Variants in CFAP97D2 observed in about 807,000 individuals in gnomAD.
CFAP97D2 encodes the protein uncharacterized protein CFAP97D2.
At chr13:114,190,136 C>T (rs544199993) in intron 1 of CFAP97D2, among the ~76,000 whole-genome samples, 46 of 149,726 alleles carry the variant, frequency 3.1e-4, no homozygotes, top group Middle Eastern at 7.0e-3. Context: ...AGGGAGGCCC[C>T]GTCTTAAAAA....
At chr13:114,182,653 G>A (rs933812198) in intron 1 of CFAP97D2, among the ~76,000 whole-genome samples, 1 of 152,212 alleles carries the variant, frequency 6.6e-6, no homozygotes, top group Non-Finnish European at 1.5e-5. Context: ...ACTAGAGGAT[G>A]GCGATGACTT....
At chr13:114,214,841 G>A (rs1331154989) in intron 4 of CFAP97D2, among the ~76,000 whole-genome samples, 1 of 152,138 alleles carries the variant, frequency 6.6e-6, no homozygotes, top group Non-Finnish European at 1.5e-5. Flanking sequence ...CATACAAATA[G>A]TTTCATTCCA....
chr13:114,213,944 A>C (rs2080982454), intron 4 of CFAP97D2, among the ~76,000 whole-genome samples: 3 of 119,328 alleles, frequency 2.5e-5, no homozygotes, highest in Admixed American at 1.7e-4. Flanking sequence ...ACAGACCCCC[A>C]CCCCTATGGA....
chr13:114,208,861 C>A (rs1454256516), intron 3 of CFAP97D2, among the ~76,000 whole-genome samples: 3 of 152,130 alleles, frequency 2.0e-5, no homozygotes, highest in Admixed American at 6.5e-5. Flanking sequence ...GGACAAGAAC[C>A]CCTTCCTTTG....
chr13:114,221,054 C>T (rs968789476), intron 4 of CFAP97D2, among the ~76,000 whole-genome samples: 2 of 152,240 alleles, frequency 1.3e-5, no homozygotes, highest in Non-Finnish European at 2.9e-5. Context: ...CGAGACCATC[C>T]TGGCCAACAT....
intron 1 of CFAP97D2, among the ~76,000 whole-genome samples, chr13:114,180,533 C>G (rs1304958745): frequency 6.6e-6 from 1 of 152,190 alleles, no homozygotes; most frequent in African/African-American, 2.4e-5. Context: ...CTGCCGCTCT[C>G]TGGTTCCTGG....
In CFAP97D2 at chr13:114,196,076, C is replaced by CA. The variant is rs57315285; in HGVS notation, c.91-300dup. Reference sequence around the variant, plus strand: ...CCAGCCTGGGCAACAGAGCGAGACTCAAAAAAAAAAAAAAAAAAAAGCCTC... The same window carrying CA: ...CCAGCCTGGGCAACAGAGCGAGACTCAAAAAAAAAAAAAAAAAAAAAGCCTC... On this transcript the variant is annotated intron_variant, in intron 1 of 4. Coordinates refer to ENST00000646158, the Ensembl canonical transcript of CFAP97D2. Among the ~76,000 whole-genome samples, 931 of 100,762 alleles carry CA rather than the reference C, an allele frequency of 9.2e-3. 10 individuals carry two copies. The highest frequency in any genetic ancestry group is 0.014 in the Non-Finnish European group (676 of 48,198). The allele number at this position is 100,762 out of a possible 152,430, so 66.1% of individuals were successfully genotyped here. A position where few individuals can be genotyped will look rare whatever the true frequency, so the allele number is the denominator to read the frequency against.
chr13:114,201,297 G>A (rs896659892), intron 3 of CFAP97D2, among the ~76,000 whole-genome samples: 2 of 152,170 alleles, frequency 1.3e-5, no homozygotes, highest in South Asian at 2.1e-4. Flanking sequence ...TTTTTGTTCC[G>A]GAAGTGCTTG....
chr13:114,218,496 T>C (rs935545598), intron 4 of CFAP97D2, among the ~76,000 whole-genome samples: 1 of 152,142 alleles, frequency 6.6e-6, no homozygotes, highest in Non-Finnish European at 1.5e-5. Flanking sequence ...AAGCTACCAA[T>C]GACTTTCTTC....
At chr13:114,208,263 C>T (rs1172111291) in intron 3 of CFAP97D2, among the ~76,000 whole-genome samples, 3 of 152,206 alleles carry the variant, frequency 2.0e-5, no homozygotes, top group Non-Finnish European at 2.9e-5. Flanking sequence ...CAGCCAATAT[C>T]GTTGTTGCTA....
intron 1 of CFAP97D2, among the ~76,000 whole-genome samples, chr13:114,182,347 A>G (rs943593109): frequency 8.5e-5 from 13 of 152,108 alleles, no homozygotes; most frequent in Non-Finnish European, 8.8e-5. Context: ...TTTTTCTCCT[A>G]TCTCAGAATT....
intron 1 of CFAP97D2, among the ~76,000 whole-genome samples, chr13:114,181,388 G>A (rs1240524958): frequency 6.6e-6 from 1 of 152,152 alleles, no homozygotes; most frequent in Non-Finnish European, 1.5e-5. Flanking sequence ...CATGAAACCT[G>A]GCAAAGGAGG....
At position 114,203,331 on chromosome 13, in the gene CFAP97D2, G is replaced by C. The variant is rs1443812076; in HGVS notation, c.290+2888G>C. The stretch of plus-strand genomic sequence containing the variant: ...AATTCCATACTCAAAAGTATCAAAA[G>C]AATAGGTACTTAGGAATAAACAAAG... On this transcript the variant is annotated intron_variant, in intron 3 of 4. Transcript: ENST00000646158. This position sits in a 1 kb window ranked among gnomAD's most constrained non-coding sequence, Gnocchi z 4.3. Among the ~76,000 whole-genome samples the C allele has an allele frequency of 6.6e-6, 1 of 152,114 alleles. No homozygotes were observed. Among genetic ancestry groups the C allele is most frequent in the East Asian group, 1.9e-4 (1 of 5,184 alleles).
intron 1 of CFAP97D2, among the ~76,000 whole-genome samples, chr13:114,182,723 A>G (rs1462475121): frequency 6.6e-6 from 1 of 152,214 alleles, no homozygotes; most frequent in Non-Finnish European, 1.5e-5. Flanking sequence ...ACAGCCCTAG[A>G]TCCCTTAAAC....
intron 4 of CFAP97D2, among the ~76,000 whole-genome samples, chr13:114,221,845 A>G (rs1016486243): frequency 4.6e-5 from 7 of 152,094 alleles, no homozygotes; most frequent in African/African-American, 1.4e-4. Flanking sequence ...TCACCCAGCA[A>G]CTCCACTCCT....
At chr13:114,205,102 C>T (rs893592431) in intron 3 of CFAP97D2, among the ~76,000 whole-genome samples, 4 of 152,146 alleles carry the variant, frequency 2.6e-5, no homozygotes, top group African/African-American at 4.8e-5. Context: ...CAAGGAAATG[C>T]AAATCGAAAC....
At chr13:114,206,161 TG>T (rs1171491031) in intron 3 of CFAP97D2, among the ~76,000 whole-genome samples, 1 of 150,894 alleles carries the variant, frequency 6.6e-6, no homozygotes, top group Non-Finnish European at 1.5e-5. Context: ...TGGAGTGCAG[TG>T]GCACAATCTC....
chr13:114,212,885 A>G (rs2080974367), intron 4 of CFAP97D2, among the ~76,000 whole-genome samples: 1 of 152,126 alleles, frequency 6.6e-6, no homozygotes, highest in Non-Finnish European at 1.5e-5. Context: ...AAAGAAAAGG[A>G]AAAAAGAAAA....
intron 1 of CFAP97D2, among the ~76,000 whole-genome samples, chr13:114,191,674 C>A (rs1204223098): frequency 6.6e-6 from 1 of 152,198 alleles, no homozygotes; most frequent in Non-Finnish European, 1.5e-5. Context: ...CTTTGGAAGA[C>A]AAAATGGCAG....
Sources: gnomAD v4.1 joint callset for allele counts (sites outside exome capture counted in the v4.1 genomes callset) on GRCh38, gnomAD v4.1.1 for gene constraint, Gnocchi (gnomAD v3.1) non-coding constraint, MANE v1.5 for transcripts, NCBI Gene and HGNC (gene_info 2026-07-23, HGNC 2026-07-21) for gene names.